Variants in TMEM225 observed in about 807,000 individuals in gnomAD.
TMEM225 encodes transmembrane protein 225, also known as PMP22 claudin domain-containing protein.
Under a neutral mutation model 17.6 loss-of-function variants are expected in TMEM225, and 10 were observed. The observed-to-expected ratio is 0.57, with a 90% CI of 0.35 to 0.96. TMEM225 has a LOEUF of 0.96. TMEM225 is among the 40% of genes least tolerant of loss of function. TMEM225 has a pLI of 0.02. For synonymous variants in TMEM225, 101 were observed against 94.5 expected, an observed-to-expected ratio of 1.07 and a Z score of -0.40; for missense variants, 245 against 271.5, an observed-to-expected ratio of 0.90 and a Z score of 0.69.
intron 3 of TMEM225, 42 bp downstream of exon 3, chr11:123,884,033 G>A: frequency 1.9e-6 from 3 of 1,559,318 alleles, no homozygotes; most frequent in Non-Finnish European, 2.6e-6. Flanking sequence ...GTCGGGGATG[G>A]ATTGGTTCTT....
In TMEM225 at chr11:123,885,355, A is replaced by T; in HGVS notation, c.71T>A (p.Met24Lys). The change falls in exon 1 of 4, where the codon ATG (methionine) becomes AAG (lysine). Residue 24 changes from methionine to lysine, a missense_variant. Physicochemically the swap from Met to Lys is moderately conservative, Grantham distance 95. Transcript: ENST00000375026. ...TTTATCTAAGGTGATTCCCATCACCATTAAGACTACGGCCCAGGAGGAGAA... is the reference window on the plus strand; with the variant it reads ...TTTATCTAAGGTGATTCCCATCACCTTTAAGACTACGGCCCAGGAGGAGAA... Reference protein sequence around the residue: ...ILFSSWAVVLMVMGITLDKWV... With the variant: ...ILFSSWAVVLKVMGITLDKWV... 6.2e-7 allele frequency: 1 copy of T among 1,613,394 alleles called. No individual in the cohort carries two copies. Among genetic ancestry groups the T allele is most frequent in the Non-Finnish European group, 8.5e-7 (1 of 1,179,490 alleles).
chr11:123,884,829 C>G (rs1023189547), intron 1 of TMEM225, among the ~76,000 whole-genome samples, 193 bp from the exon 2 acceptor site: 1 of 152,136 alleles, frequency 6.6e-6, no homozygotes, highest in Non-Finnish European at 1.5e-5. Context: ...TTTCTCTATC[C>G]TGATGTCTCT....
chr11:123,885,499 G>A lies in TMEM225; in HGVS notation c.-74C>T. 1.4e-6 allele frequency: 2 copies of A among 1,424,354 alleles called. No individual in the cohort carries two copies. Among genetic ancestry groups the A allele is most frequent in the Non-Finnish European group, 1.9e-6 (2 of 1,036,224 alleles). 88.2% of individuals were successfully genotyped at this position (1,424,354 alleles called of 1,614,324 possible). Reference sequence around the variant, plus strand: ...TCTTCCTTGATTTGATTAGTTACAAGAAGGGTGATATCTGAACTTTCAGTG... The same window carrying A: ...TCTTCCTTGATTTGATTAGTTACAAAAAGGGTGATATCTGAACTTTCAGTG... On this transcript the variant is annotated 5_prime_UTR_variant, in exon 1 of 4. Transcript: ENST00000375026.
chr11:123,884,222 C>CAAAAAAAAAAAAAAAAAAAA lies in TMEM225; in HGVS notation c.329-14_329-13insTTTTTTTTTTTTTTTTTTTT. On this transcript the variant is annotated splice_polypyrimidine_tract_variant and intron_variant, in intron 2 of 3. Transcript: ENST00000375026. ...AGCAGAGAGATACCTGATGTCCAGACAAAAAAAAAAAAAAAAAAAGAAAAA... is the reference window on the plus strand; with the variant it reads ...AGCAGAGAGATACCTGATGTCCAGACAAAAAAAAAAAAAAAAAAAAAAAAAAAAAAAAAAAAAAAGAAAAA... 8.1e-7 allele frequency: 1 copy of CAAAAAAAAAAAAAAAAAAAA among 1,230,852 alleles called. No individual in the cohort carries two copies. The highest frequency in any genetic ancestry group is 1.0e-6 in the Non-Finnish European group (1 of 977,798). 76.2% of individuals were successfully genotyped at this position (1,230,852 alleles called of 1,614,324 possible).
Position 123,883,272 on chromosome 11 carries a change from T to TA in TMEM225, c.543dup (p.Lys182Ter). 1 of 1,613,468 alleles carries TA rather than the reference T, an allele frequency of 6.2e-7. No individual in the cohort carries two copies. Among genetic ancestry groups the TA allele is most frequent in the Non-Finnish European group, 8.5e-7 (1 of 1,179,618 alleles). ...TCTTCGATAGAATTCTCAGATTCCT[T>TA]ACATTCGTTGTCAGATTTATGGATG... On this transcript the variant is annotated frameshift_variant, in exon 4 of 4. Coordinates refer to ENST00000375026, the MANE Select transcript of TMEM225 (RefSeq NM_001013743.3). LOFTEE classifies it low-confidence loss of function (END_TRUNC).
intron 3 of TMEM225, among the ~76,000 whole-genome samples, chr11:123,883,797 G>T (rs1862998268): frequency 6.6e-6 from 1 of 152,060 alleles, no homozygotes; most frequent in African/African-American, 2.4e-5. Context: ...TCATGACTTT[G>T]GTGGTTATCT....
chr11:123,883,301 A>T lies in TMEM225; in HGVS notation c.515T>A (p.Leu172Gln). The T allele has an allele frequency of 1.2e-6, 2 of 1,613,334 alleles. No homozygotes were observed. The highest frequency in any genetic ancestry group is 1.7e-6 in the Non-Finnish European group (2 of 1,179,534). The stretch of plus-strand genomic sequence containing the variant: ...TTCGTTGTCAGATTTATGGATGTTC[A>T]GGCAGGTACAGCTACTGGTAGACAA... ...CKLSTSSCTC[L>Q]NIHKSDNECK... is the part of the protein sequence containing the mutation. The change falls in exon 4 of 4, where the codon CTG becomes CAG. Residue 172 changes from leucine to glutamine, a missense_variant. Leu to Gln is a moderately radical substitution (Grantham distance 113). Transcript: ENST00000375026.
At chr11:123,885,066 T>G (rs1863022143) in intron 1 of TMEM225, among the ~76,000 whole-genome samples, 179 bp downstream of exon 1, 1 of 152,068 alleles carries the variant, frequency 6.6e-6, no homozygotes, top group South Asian at 2.1e-4. Context: ...ACCTAAATGG[T>G]GAGATTTTGG....
Position 123,885,402 on chromosome 11 carries a change from A to G in TMEM225, c.24T>C (p.Ser8=), listed in dbSNP as rs1180163787. 6.8e-6 allele frequency: 11 copies of G among 1,612,552 alleles called. No individual in the cohort carries two copies. In the Admixed American group the frequency reaches 1.5e-4, roughly 22 times the overall value. ...AGAAAAGTATGTTCATACCCTGGAT[A>G]CTTCTATTTGAAACATGCACCATTG... is the stretch of plus-strand genomic sequence containing the variant. MVHVSNR[S]IQGMNILFSS... The change falls in exon 1 of 4, where the codon AGT becomes AGC. Residue 8 remains serine (S), a synonymous_variant. Coordinates refer to ENST00000375026, the MANE Select transcript of TMEM225 (RefSeq NM_001013743.3).
At chr11:123,884,687 C>T (rs1863016525) in intron 1 of TMEM225, 51 bp from the exon 2 acceptor site, 2 of 1,544,092 alleles carry the variant, frequency 1.3e-6, no homozygotes, top group East Asian at 2.3e-5. Flanking sequence ...CTTCTAGACT[C>T]ATTTCTACCT....
chr11:123,884,151 G>T lies in TMEM225; in HGVS notation c.387C>A (p.Ser129=), dbSNP rs768007651. ...LYHNKLKQGQ[S]MHFSSYRITW... ...TGATCCTATAACTAGAGAAGTGCAT[G>T]GATTGACCTTGCTTCAGCTTATTGT... The change falls in exon 3 of 4, where the codon TCC becomes TCA. Residue 129 remains serine (S), a synonymous_variant. Coordinates refer to ENST00000375026, the MANE Select transcript of TMEM225 (RefSeq NM_001013743.3). 8.1e-6 allele frequency: 13 copies of T among 1,609,902 alleles called. No homozygotes were observed. Among genetic ancestry groups the T allele is most frequent in the African/African-American group, 2.7e-5 (2 of 73,818 alleles).
In TMEM225 at chr11:123,884,220, GACA is replaced by G. The variant is rs750490475; in HGVS notation, c.329-14_329-12del. Reference sequence around the variant, plus strand: ...AGAGCAGAGAGATACCTGATGTCCAGACAAAAAAAAAAAAAAAAAAAGAAAAAG... The same window carrying G: ...AGAGCAGAGAGATACCTGATGTCCAGAAAAAAAAAAAAAAAAAAGAAAAAG... On this transcript the variant is annotated splice_polypyrimidine_tract_variant and intron_variant, in intron 2 of 3. Coordinates refer to ENST00000375026, the MANE Select transcript of TMEM225 (RefSeq NM_001013743.3). The G allele has an allele frequency of 1.8e-5, 12 of 651,644 alleles. No individual in the cohort carries two copies. The highest frequency in any genetic ancestry group is 6.6e-5 in the Admixed American group (1 of 15,114). 40.4% of individuals were successfully genotyped at this position (651,644 alleles called of 1,614,324 possible). A position where few individuals can be genotyped will look rare whatever the true frequency, so the allele number is the denominator to read the frequency against.
intron 3 of TMEM225, 34 bp from the exon 4 acceptor site, chr11:123,883,386 G>C (rs777175517): frequency 4.0e-6 from 6 of 1,490,230 alleles, no homozygotes; most frequent in Admixed American, 1.7e-5. Flanking sequence ...GTGGGATGAA[G>C]GGACAATGGA....
At chr11:123,884,248 GA>G in intron 2 of TMEM225, 39 bp from the exon 3 acceptor site, 2 of 1,464,512 alleles carry the variant, frequency 1.4e-6, no homozygotes, top group East Asian at 5.0e-5. Context: ...AAAAGAAAAA[GA>G]AAAAAGTCCC....
rs1863013070 is a variant in TMEM225, at chr11:123,884,525, A to G, written c.293T>C (p.Ile98Thr). The G allele has an allele frequency of 3.1e-6, 5 of 1,613,020 alleles. No individual in the cohort carries two copies. Among genetic ancestry groups the G allele is most frequent in the African/African-American group, 2.7e-5 (2 of 74,976 alleles). Residue 98 changes from isoleucine (I) to threonine (T), a missense_variant, in exon 2 of 4, where the codon ATA becomes ACA. Physicochemically the swap from Ile to Thr is moderately conservative, Grantham distance 89. Transcript: ENST00000375026. ...FTYLIPQNKY[I>T]QLFTTILSFF... ...ACTGAGGATGGTAGTGAAGAGTTGTATATATTTATTTTGAGGAATCAGATA... is the reference window on the plus strand; with the variant it reads ...ACTGAGGATGGTAGTGAAGAGTTGTGTATATTTATTTTGAGGAATCAGATA...
Position 123,883,034 on chromosome 11 carries a change from C to G in TMEM225, c.*104G>C. ...ATCTTCCAGATCTTTTTACAAACCCCAACCATAATTCCAAATAGAGACAAC... is the reference window on the plus strand; with the variant it reads ...ATCTTCCAGATCTTTTTACAAACCCGAACCATAATTCCAAATAGAGACAAC... On this transcript the variant is annotated 3_prime_UTR_variant, in exon 4 of 4. Coordinates refer to ENST00000375026, the MANE Select transcript of TMEM225 (RefSeq NM_001013743.3). The G allele has an allele frequency of 1.0e-6, 1 of 969,914 alleles. No homozygotes were observed. Among genetic ancestry groups the G allele is most frequent in the Non-Finnish European group, 1.5e-6 (1 of 649,270 alleles). The allele number at this position is 969,914 out of a possible 1,614,324, so 60.1% of individuals were successfully genotyped here.
Position 123,885,565 on chromosome 11 carries a change from A to G in TMEM225, c.-140T>C. The G allele has an allele frequency of 2.7e-6, 2 of 733,726 alleles. No homozygotes were observed. 45.5% of individuals were successfully genotyped at this position (733,726 alleles called of 1,614,324 possible). The stretch of plus-strand genomic sequence containing the variant: ...GTAACAGCAGAAGCTGAAGTAGTCT[A>G]TAAAACAGAGAAGATAGATAACTCT... On this transcript the variant is annotated 5_prime_UTR_variant, in exon 1 of 4. Transcript: ENST00000375026.
rs780380919 is a variant in TMEM225 at position 123,885,297 on chromosome 11, G to T, written c.129C>A (p.Ala43=). The change falls in exon 1 of 4, where the codon GCC becomes GCA. Residue 43 remains alanine, a synonymous_variant. Coordinates refer to ENST00000375026, the MANE Select transcript of TMEM225 (RefSeq NM_001013743.3). ...TCATCCAAGGACTGTGGTTCATCTT[G>T]GCTCTTTCATCTTCTGAAATCAATT... ...WVELISEDER[A]KMNHSPWMMC... is the part of the protein sequence containing the mutation. 2 of 1,613,614 alleles carry T rather than the reference G, an allele frequency of 1.2e-6. No individual in the cohort carries two copies. Among genetic ancestry groups the T allele is most frequent in the Non-Finnish European group, 1.7e-6 (2 of 1,179,700 alleles).
chr11:123,883,383 G>A, intron 3 of TMEM225, 31 bp from the exon 4 acceptor site: 2 of 1,511,270 alleles, frequency 1.3e-6, no homozygotes, highest in East Asian at 2.3e-5. Context: ...GGAGTGGGAT[G>A]AAGGGACAAT....
Sources: gnomAD v4.1 joint callset for allele counts (sites outside exome capture counted in the v4.1 genomes callset) on GRCh38, gnomAD v4.1.1 for gene constraint, MANE v1.5 for transcripts, NCBI Gene and HGNC (gene_info 2026-07-23, HGNC 2026-07-21) for gene names.